PPP1R9A: variants seen among roughly 807,000 people sequenced by gnomAD.
PPP1R9A encodes protein phosphatase 1 regulatory subunit 9A, also known as neurabin-1.
Under a neutral mutation model 141.9 loss-of-function variants are expected in PPP1R9A, and 59 were observed. The observed-to-expected ratio is 0.42, with a 90% CI of 0.34 to 0.52. The LOEUF (loss-of-function observed/expected upper bound fraction) is 0.52. PPP1R9A is among the 20% of genes least tolerant of loss of function. The pLI is 0.10. For missense variants in PPP1R9A, 1,444 were observed against 1,611.9 expected (o/e 0.90, Z 1.78); for synonymous variants, 500 against 569.7 (o/e 0.88, Z 1.74).
intron 3 of PPP1R9A, among the ~76,000 whole-genome samples, chr7:95,117,484 T>C (rs948887118): frequency 6.6e-6 from 1 of 152,188 alleles, no homozygotes; most frequent in Admixed American, 6.5e-5. Flanking sequence ...TGAGTTAATA[T>C]TGCTTTTTCT....
At chr7:95,089,373 T>C (rs868521822) in intron 2 of PPP1R9A, among the ~76,000 whole-genome samples, 1 of 152,076 alleles carries the variant, frequency 6.6e-6, no homozygotes, top group African/African-American at 2.4e-5. Flanking sequence ...TAGAGAACCA[T>C]TCTGAAAGAA....
chr7:95,077,856 G>T (rs1815100347), intron 2 of PPP1R9A, among the ~76,000 whole-genome samples: 1 of 152,038 alleles, frequency 6.6e-6, no homozygotes, highest in Non-Finnish European at 1.5e-5. Flanking sequence ...CTTCTCCATT[G>T]ATAGGAGTCT....
intron 9 of PPP1R9A, among the ~76,000 whole-genome samples, chr7:95,248,702 A>C (rs1362313267): frequency 6.6e-6 from 1 of 152,146 alleles, no homozygotes; most frequent in Non-Finnish European, 1.5e-5. Flanking sequence ...TAACTTAGAA[A>C]ATACTATAAA....
intron 3 of PPP1R9A, among the ~76,000 whole-genome samples, chr7:95,113,620 G>C (rs1031250884): frequency 6.6e-6 from 1 of 152,162 alleles, no homozygotes; most frequent in African/African-American, 2.4e-5. Context: ...GGGAGATGTA[G>C]AAATAATTTT....
chr7:95,047,186 C>G (rs1810143545), intron 2 of PPP1R9A, among the ~76,000 whole-genome samples: 1 of 152,212 alleles, frequency 6.6e-6, no homozygotes, highest in Non-Finnish European at 1.5e-5. Context: ...TTAAAGTCAG[C>G]ATGTCATCTC....
Position 95,022,836 on chromosome 7 carries a change from A to C in PPP1R9A, c.1396-88423A>C, listed in dbSNP as rs571838294. On this transcript the variant is annotated intron_variant, in intron 2 of 19. Coordinates refer to ENST00000433360, the MANE Select transcript of PPP1R9A (RefSeq NM_001166160.2). ...GCATCTCAGGGATGAAGCCAACTTG[A>C]TCGTGGTGGATAAGCTTTTTGATGT... Among the ~76,000 whole-genome samples the C allele has an allele frequency of 5.2e-3, 784 of 152,170 alleles. 8 individuals carry two copies. Among genetic ancestry groups the C allele is most frequent in the African/African-American group, 0.017 (726 of 41,510 alleles).
At chr7:95,053,885 A>G (rs1811134562) in intron 2 of PPP1R9A, among the ~76,000 whole-genome samples, 1 of 152,174 alleles carries the variant, frequency 6.6e-6, no homozygotes, top group Non-Finnish European at 1.5e-5. Context: ...ACATTGCTCT[A>G]TAGAAGTATA....
intron 7 of PPP1R9A, among the ~76,000 whole-genome samples, chr7:95,217,380 T>C (rs960074819): frequency 6.6e-6 from 1 of 152,240 alleles, no homozygotes; most frequent in Non-Finnish European, 1.5e-5. Context: ...CAATATTTTA[T>C]TGAGGATATT....
At position 94,911,020 on chromosome 7, in the gene PPP1R9A, C is replaced by T. The variant is rs1268434678; in HGVS notation, c.907C>T (p.Pro303Ser). 1.2e-6 allele frequency: 2 copies of T among 1,614,014 alleles called. No homozygotes were observed. Among genetic ancestry groups the T allele is most frequent in the African/African-American group, 2.7e-5 (2 of 74,912 alleles). Residue 303 changes from proline to serine, a missense_variant, in exon 2 of 20, where the codon CCC becomes TCC. Pro to Ser is a moderately conservative substitution (Grantham distance 74). Transcript: ENST00000433360. ...TGAAGAGATCCAGCAGAGCAAGGAA[C>T]CCGAGGACTCCACATCTAATCAACA... The part of the protein sequence containing the change: ...PGEEIQQSKE[P>S]EDSTSNQQTP...
rs551697082 is a variant in PPP1R9A at position 94,914,868 on chromosome 7, C to T, written c.1395+3360C>T. ...AGTAAGGAGCTGCTGGTCGGTGGGA[C>T]GTGTACAGCCCATTAAGGAAGCTCT... On this transcript the variant is annotated intron_variant, in intron 2 of 19. Transcript: ENST00000433360. 2.6e-5 allele frequency among the ~76,000 whole-genome samples: 4 copies of T among 152,230 alleles called. No individual in the cohort carries two copies. The East Asian group carries it at 7.7e-4, about 29-fold the overall frequency.
chr7:95,158,326 C>A (rs1829955042), intron 4 of PPP1R9A, among the ~76,000 whole-genome samples: 1 of 152,004 alleles, frequency 6.6e-6, no homozygotes, highest in Non-Finnish European at 1.5e-5. Context: ...TGGATAACTG[C>A]CTAAATACAG....
intron 2 of PPP1R9A, among the ~76,000 whole-genome samples, chr7:95,031,495 C>T (rs948998717): frequency 1.3e-5 from 2 of 152,210 alleles, no homozygotes; most frequent in East Asian, 1.9e-4. Context: ...TGGCTAATGC[C>T]TGTAATCCGA....
chr7:94,965,696 G>C (rs773481028), intron 2 of PPP1R9A, among the ~76,000 whole-genome samples: 1 of 152,118 alleles, frequency 6.6e-6, no homozygotes, highest in Non-Finnish European at 1.5e-5. Flanking sequence ...TTGGGTAGCA[G>C]TACCATGCTG....
At chr7:95,246,851 G>A (rs919179358) in intron 8 of PPP1R9A, among the ~76,000 whole-genome samples, 1 of 152,150 alleles carries the variant, frequency 6.6e-6, no homozygotes, top group Admixed American at 6.5e-5. Context: ...AGCTGTGGCA[G>A]AAGCTGTTGG....
chr7:95,001,866 A>G (rs911525830), intron 2 of PPP1R9A, among the ~76,000 whole-genome samples: 1 of 152,220 alleles, frequency 6.6e-6, no homozygotes, highest in African/African-American at 2.4e-5. Context: ...AACAAAAAAA[A>G]CACAAGGGAA....
intron 4 of PPP1R9A, among the ~76,000 whole-genome samples, chr7:95,150,597 C>G (rs1039330754): frequency 6.6e-6 from 1 of 152,120 alleles, no homozygotes; most frequent in Non-Finnish European, 1.5e-5. Context: ...CCACCGCGTC[C>G]GGCTGGCAAT....
At chr7:95,160,104 A>T (rs1183752557) in intron 4 of PPP1R9A, among the ~76,000 whole-genome samples, 1 of 151,860 alleles carries the variant, frequency 6.6e-6, no homozygotes, top group African/African-American at 2.4e-5. Flanking sequence ...AAATATATAT[A>T]GAAATGTAAA....
intron 2 of PPP1R9A, among the ~76,000 whole-genome samples, chr7:95,077,177 A>G (rs1814980081): frequency 6.6e-6 from 1 of 152,130 alleles, no homozygotes; most frequent in Non-Finnish European, 1.5e-5. Context: ...TATGAGATAA[A>G]TGTTTGCTCT....
intron 5 of PPP1R9A, among the ~76,000 whole-genome samples, chr7:95,189,702 C>T (rs1213120157): frequency 6.6e-6 from 1 of 151,996 alleles, no homozygotes; most frequent in East Asian, 1.9e-4. Context: ...TCCCAAAGTG[C>T]TGGGATTACA....
Sources: gnomAD v4.1 joint callset for allele counts (sites outside exome capture counted in the v4.1 genomes callset) on GRCh38, gnomAD v4.1.1 for gene constraint, MANE v1.5 for transcripts, NCBI Gene and HGNC (gene_info 2026-07-23, HGNC 2026-07-21) for gene names.